Variants in RNF145 observed in about 807,000 individuals in gnomAD.
RNF145 encodes ring finger protein 145.
RNF145 carries 12 observed loss-of-function variants against 57.3 expected under a neutral mutation model. The ratio of observed to expected loss-of-function variants is 0.21; its 90% CI spans 0.13 to 0.34. RNF145 has a LOEUF of 0.34. Among genes scored for constraint, RNF145 ranks in the 10% least tolerant of loss-of-function variants. RNF145 has a pLI of 1.00. For synonymous variants in RNF145, 262 were observed against 288.3 expected (o/e 0.91, Z 0.92); for missense variants, 429 against 799.0 (o/e 0.54, Z 5.58).
intron 1 of RNF145, chr5:159,208,131 A>G (rs1345599978): frequency 4.2e-6 from 6 of 1,429,286 alleles, no homozygotes; most frequent in Non-Finnish European, 5.5e-6. Flanking sequence ...ACCTCCTCCC[A>G]CAACGCCTGC....
chr5:159,171,897 A>C lies in RNF145; in HGVS notation c.798-2078T>G, dbSNP rs192528836. Among the ~76,000 whole-genome samples, 43 of 152,354 alleles carry C rather than the reference A, an allele frequency of 2.8e-4. No individual in the cohort carries two copies. The East Asian group carries it at 7.1e-3, about 25-fold the overall frequency. ...AATTACAACATTCTTATCATGAAAAAAGGCAATCTATCCTGGCGAGGCATA... is the reference window on the plus strand; with the variant it reads ...AATTACAACATTCTTATCATGAAAACAGGCAATCTATCCTGGCGAGGCATA... On this transcript the variant is annotated intron_variant, in intron 6 of 10. Transcript: ENST00000424310.
At chr5:159,196,157 G>A (rs1030447992) in intron 2 of RNF145, among the ~76,000 whole-genome samples, 1 of 151,698 alleles carries the variant, frequency 6.6e-6, no homozygotes, top group Non-Finnish European at 1.5e-5. Context: ...ACGGCCCATG[G>A]GCTACATGTG....
At chr5:159,184,999 T>C (rs1454228598) in intron 3 of RNF145, among the ~76,000 whole-genome samples, 1 of 152,208 alleles carries the variant, frequency 6.6e-6, no homozygotes, top group East Asian at 1.9e-4. Context: ...CTCCTTACTT[T>C]GTCCTCCTCT....
intron 3 of RNF145, among the ~76,000 whole-genome samples, chr5:159,188,113 T>G (rs1467291549): frequency 1.3e-5 from 2 of 152,152 alleles, no homozygotes; most frequent in Non-Finnish European, 2.9e-5. Context: ...CCAGGCACAG[T>G]GGCTCATGCC....
intron 3 of RNF145, among the ~76,000 whole-genome samples, chr5:159,193,820 T>C (rs898773414): frequency 1.3e-5 from 2 of 152,226 alleles, no homozygotes; most frequent in African/African-American, 4.8e-5. Flanking sequence ...CAGACTCTTA[T>C]TATGGCTTGT....
intron 3 of RNF145, among the ~76,000 whole-genome samples, chr5:159,184,578 C>A (rs1784999055): frequency 6.6e-6 from 1 of 152,056 alleles, no homozygotes. Context: ...TTTATTGATA[C>A]ATAAAAAGAT....
chr5:159,173,667 TTATAA>T (rs775890070), intron 6 of RNF145, among the ~76,000 whole-genome samples: 2 of 152,210 alleles, frequency 1.3e-5, no homozygotes, highest in Non-Finnish European at 2.9e-5. Context: ...AATGTTATTT[TTATAA>T]TATACTTTTT....
intron 3 of RNF145, among the ~76,000 whole-genome samples, chr5:159,184,388 T>C (rs1447235130): frequency 6.6e-6 from 1 of 152,192 alleles, no homozygotes; most frequent in Admixed American, 6.5e-5. Flanking sequence ...CAAAAAGAAA[T>C]TACTGAATAC....
chr5:159,162,984 A>G lies in RNF145; in HGVS notation c.1217T>C (p.Met406Thr). The G allele has an allele frequency of 6.2e-7, 1 of 1,613,444 alleles. No homozygotes were observed. Among genetic ancestry groups the G allele is most frequent in the Admixed American group, 1.7e-5 (1 of 59,804 alleles). Residue 406 changes from methionine to threonine, a missense_variant, in exon 9 of 11, where the codon ATG becomes ACG. Physicochemically the swap from Met to Thr is moderately conservative, Grantham distance 81. Around this residue, in one of 4 missense-constraint regions of RNF145, gnomAD observed 216 missense variants for 457.6 expected, o/e 0.47. Transcript: ENST00000424310. Reference sequence around the variant, plus strand: ...AATAATGATAAGAAGCCAAAAATCCATGTGGAAAAACTGGCAAATCATATA... The same window carrying G: ...AATAATGATAAGAAGCCAAAAATCCGTGTGGAAAAACTGGCAAATCATATA... ...MAYMICQFFH[M>T]DFWLLIIISS...
intron 5 of RNF145, among the ~76,000 whole-genome samples, chr5:159,175,528 T>C (rs927175486): frequency 1.4e-4 from 21 of 152,286 alleles, no homozygotes; most frequent in Middle Eastern, 3.4e-3. Context: ...ATAACCCTCA[T>C]AAGACTGAAT....
intron 1 of RNF145, among the ~76,000 whole-genome samples, chr5:159,206,766 C>T (rs925017587): frequency 1.3e-5 from 2 of 151,990 alleles, no homozygotes; most frequent in African/African-American, 2.4e-5. Context: ...CAGAAAAAAC[C>T]GAAAGGTTTA....
chr5:159,159,069 GTC>G, intron 10 of RNF145, 34 bp from the exon 11 acceptor site: 1 of 1,568,040 alleles, frequency 6.4e-7, no homozygotes. Flanking sequence ...CCTTATAAAT[GTC>G]TGTTTTCTAG....
chr5:159,208,192 G>A (rs1584718839), intron 1 of RNF145: 3 of 1,344,772 alleles, frequency 2.2e-6, no homozygotes, highest in Non-Finnish European at 2.9e-6. Context: ...CTCGCGGCAA[G>A]CAGGCAGCGC....
chr5:159,177,837 T>C (rs1784766598), intron 4 of RNF145, among the ~76,000 whole-genome samples: 1 of 152,042 alleles, frequency 6.6e-6, no homozygotes, highest in African/African-American at 2.4e-5. Context: ...CCCAAATTTT[T>C]TAAATTGGCA....
At chr5:159,160,267 G>A (rs183839994) in intron 10 of RNF145, among the ~76,000 whole-genome samples, 1 of 152,108 alleles carries the variant, frequency 6.6e-6, no homozygotes, top group African/African-American at 2.4e-5. Context: ...TTACTCCTCA[G>A]ACCCCTCAAA....
chr5:159,185,357 G>A (rs1785023120), intron 3 of RNF145, among the ~76,000 whole-genome samples: 2 of 152,096 alleles, frequency 1.3e-5, no homozygotes, highest in Admixed American at 6.5e-5. Flanking sequence ...CTAAAAGGAG[G>A]ATCTGGGCAT....
At chr5:159,199,553 CCTTT>C (rs1461687519) in intron 2 of RNF145, among the ~76,000 whole-genome samples, 1 of 152,174 alleles carries the variant, frequency 6.6e-6, no homozygotes, top group South Asian at 2.1e-4. Flanking sequence ...TCCATTTCTT[CCTTT>C]CTAATTTCTA....
At chr5:159,210,000 G>T, upstream of RNF145, 1 of 1,099,498 alleles carries the variant, frequency 9.1e-7, no homozygotes, top group Non-Finnish European at 1.3e-6. Context: ...GCCGTGCCCA[G>T]CACCAAGTGC....
In RNF145 at chr5:159,209,416, G is replaced by A. The variant is rs1786025412; in HGVS notation, c.-225C>T. 1 of 985,242 alleles carries A rather than the reference G, an allele frequency of 1.0e-6. No individual in the cohort carries two copies. The highest frequency in any genetic ancestry group is 1.2e-6 in the Non-Finnish European group (1 of 829,128). The allele number at this position is 985,242 out of a possible 1,614,324, so 61.0% of individuals were successfully genotyped here. A position where few individuals can be genotyped will look rare whatever the true frequency, so the allele number is the denominator to read the frequency against. The stretch of plus-strand genomic sequence containing the variant: ...TGCTTCTGGGGAGGCGGAGGCAGCG[G>A]CAGCGGCAGCGGCCCGGCCCGTACG... On this transcript the variant is annotated 5_prime_UTR_variant, in exon 1 of 11. Coordinates refer to ENST00000424310, the MANE Select transcript of RNF145 (RefSeq NM_001199383.2).
Sources: gnomAD v4.1 joint callset for allele counts (sites outside exome capture counted in the v4.1 genomes callset) on GRCh38, gnomAD v4.1.1 for gene constraint, gnomAD v4.1.1 regional missense constraint, MANE v1.5 for transcripts, NCBI Gene and HGNC (gene_info 2026-07-23, HGNC 2026-07-21) for gene names.